GPR158: variants seen among roughly 807,000 people sequenced by gnomAD.
GPR158 encodes the protein G protein-coupled receptor 158.
Under a neutral mutation model 78.2 loss-of-function variants are expected in GPR158, and 30 were observed. The observed-to-expected ratio is 0.38, with a 90% confidence interval of 0.29 to 0.52. The LOEUF (loss-of-function observed/expected upper bound fraction) is 0.52, where lower values mean the gene tolerates loss of function less well. Among genes scored for constraint, GPR158 ranks in the 20% least tolerant of loss-of-function variants. The pLI is 0.83. For synonymous variants in GPR158, 581 were observed against 591.1 expected, an observed-to-expected ratio of 0.98 and a Z score of 0.25; for missense variants, 1,463 against 1,523.5, an observed-to-expected ratio of 0.96 and a Z score of 0.66.
At chr10:25,314,905 T>TACACAC (rs34451547) in intron 2 of GPR158, among the ~76,000 whole-genome samples, 16 of 137,372 alleles carry the variant, frequency 1.2e-4, no homozygotes, top group Admixed American at 4.4e-4. Flanking sequence ...AGTTTACACA[T>TACACAC]ACACACACAC....
At chr10:25,506,997 C>A (rs1278645310) in intron 5 of GPR158, among the ~76,000 whole-genome samples, 1 of 152,176 alleles carries the variant, frequency 6.6e-6, no homozygotes, top group East Asian at 1.9e-4. Context: ...TGAACAATCT[C>A]AAACTCTTAA....
At chr10:25,255,215 T>C (rs1421514392) in intron 2 of GPR158, among the ~76,000 whole-genome samples, 2 of 152,246 alleles carry the variant, frequency 1.3e-5, no homozygotes, top group Admixed American at 6.5e-5. Flanking sequence ...CTGAATTTTG[T>C]TATTCTGTTA....
At chr10:25,401,376 T>C (rs1834444406) in intron 3 of GPR158, among the ~76,000 whole-genome samples, 1 of 152,160 alleles carries the variant, frequency 6.6e-6, no homozygotes. Context: ...ATTGCCGGTC[T>C]TATGTTTTTG....
At chr10:25,340,594 A>C (rs1264252594) in intron 2 of GPR158, among the ~76,000 whole-genome samples, 1 of 152,078 alleles carries the variant, frequency 6.6e-6, no homozygotes, top group Non-Finnish European at 1.5e-5. Context: ...TGAGAACCCC[A>C]TGTTTAGATG....
intron 6 of GPR158, among the ~76,000 whole-genome samples, chr10:25,557,091 A>G (rs1564489060): frequency 6.6e-6 from 1 of 152,230 alleles, no homozygotes; most frequent in Non-Finnish European, 1.5e-5. Context: ...TGATTTTATT[A>G]ATCGAGGAAG....
rs1274823490 is a variant in GPR158, at chr10:25,586,889, AG to A, written c.1754-2116del. ...TACTGAAATGCCAGGGTTTCGGTCT[AG>A]GTCCTACTGATCACTGTACAGAAGG... On this transcript the variant is annotated intron_variant, in intron 7 of 10. Transcript: ENST00000376351. 3.3e-5 allele frequency among the ~76,000 whole-genome samples: 5 copies of A among 152,248 alleles called. No individual in the cohort carries two copies. In the East Asian group the frequency reaches 7.7e-4, roughly 23 times the overall value.
intron 5 of GPR158, among the ~76,000 whole-genome samples, chr10:25,540,976 AT>A (rs1554812042): frequency 0.15 from 9,099 of 60,576 alleles, 410 homozygotes; most frequent in African/African-American, 0.39. Context: ...ATATATATAT[AT>A]AAAGTTTATC....
At chr10:25,430,155 C>T (rs1834880640) in intron 4 of GPR158, among the ~76,000 whole-genome samples, 1 of 152,092 alleles carries the variant, frequency 6.6e-6, no homozygotes. Flanking sequence ...TAAGCAACTT[C>T]AGCAAAGTCT....
chr10:25,322,812 A>G (rs1333873765), intron 2 of GPR158, among the ~76,000 whole-genome samples: 4 of 152,144 alleles, frequency 2.6e-5, no homozygotes, highest in Non-Finnish European at 5.9e-5. Context: ...TCCATTGTCA[A>G]TGAGCAGTAG....
At chr10:25,365,077 T>G (rs1195978766) in intron 2 of GPR158, among the ~76,000 whole-genome samples, 1 of 151,810 alleles carries the variant, frequency 6.6e-6, no homozygotes, top group East Asian at 1.9e-4. Context: ...TTAAAATTTT[T>G]TCCTATTTTG....
intron 2 of GPR158, among the ~76,000 whole-genome samples, chr10:25,265,275 C>T (rs1329676280): frequency 1.3e-5 from 2 of 152,262 alleles, no homozygotes; most frequent in Non-Finnish European, 2.9e-5. Context: ...CATTTCTGAA[C>T]TGAAGCATTT....
Position 25,599,751 on chromosome 10 carries a change from T to A in GPR158, c.*477T>A, listed in dbSNP as rs1837467562. The A allele has an allele frequency of 6.5e-6, 1 of 154,738 alleles. No homozygotes were observed. The highest frequency in any genetic ancestry group is 2.0e-4 in the South Asian group (1 of 4,942). 9.6% of individuals were successfully genotyped at this position (154,738 alleles called of 1,614,324 possible). On this transcript the variant is annotated 3_prime_UTR_variant, in exon 11 of 11. Coordinates refer to ENST00000376351, the MANE Select transcript of GPR158 (RefSeq NM_020752.3). Reference sequence around the variant, plus strand: ...AACTTAATGCATCCCAAAAATATCTTTTATATTAATGATTGCTCTCATTTT... The same window carrying A: ...AACTTAATGCATCCCAAAAATATCTATTATATTAATGATTGCTCTCATTTT...
intron 2 of GPR158, among the ~76,000 whole-genome samples, chr10:25,221,854 G>C (rs1427020403): frequency 6.6e-6 from 1 of 152,128 alleles, no homozygotes; most frequent in Non-Finnish European, 1.5e-5. Context: ...ATACAATAAA[G>C]TTCTTGATCT....
intron 4 of GPR158, among the ~76,000 whole-genome samples, chr10:25,438,024 G>C (rs2130585158): frequency 6.6e-6 from 1 of 152,314 alleles, no homozygotes; most frequent in African/African-American, 2.4e-5. Flanking sequence ...GAGTGCAGGT[G>C]GAGCTATTCA....
chr10:25,294,037 C>T (rs1854477448), intron 2 of GPR158, among the ~76,000 whole-genome samples: 1 of 152,172 alleles, frequency 6.6e-6, no homozygotes, highest in African/African-American at 2.4e-5. Context: ...AGCCACTGCG[C>T]CCAACCGAAA....
intron 6 of GPR158, among the ~76,000 whole-genome samples, chr10:25,554,706 G>T (rs2130715687): frequency 6.6e-6 from 1 of 152,230 alleles, no homozygotes; most frequent in African/African-American, 2.4e-5. Context: ...AATTATAAAA[G>T]GGTCCCTTGT....
At chr10:25,475,821 A>G (rs1835575893) in intron 5 of GPR158, 1 of 152,158 alleles carries the variant, frequency 6.6e-6, no homozygotes, top group South Asian at 2.1e-4. Flanking sequence ...TGAATAAAAT[A>G]GAATTGTTTT....
intron 5 of GPR158, among the ~76,000 whole-genome samples, chr10:25,542,101 T>C (rs1836595471): frequency 6.6e-6 from 1 of 152,000 alleles, no homozygotes; most frequent in South Asian, 2.1e-4. Flanking sequence ...CCATGCCTCC[T>C]AGTACACAGT....
chr10:25,470,471 A>G (rs1315091574), intron 5 of GPR158, among the ~76,000 whole-genome samples: 3 of 152,080 alleles, frequency 2.0e-5, no homozygotes, highest in African/African-American at 7.2e-5. Context: ...AGCCTCCAAC[A>G]CTGTGAGAAA....
Sources: allele counts gnomAD v4.1 joint callset (sites outside exome capture counted in the v4.1 genomes callset), GRCh38; gene constraint gnomAD v4.1.1; transcripts MANE v1.5; gene names NCBI Gene and HGNC (gene_info 2026-07-23, HGNC 2026-07-21).